AUTS2: variants seen among roughly 807,000 people sequenced by gnomAD.
AUTS2 encodes the protein autism susceptibility gene 2 protein.
A neutral mutation model predicts 112.4 loss-of-function variants in AUTS2; 17 were observed. The observed-to-expected ratio is 0.15, with a 90% confidence interval of 0.10 to 0.23. The LOEUF (loss-of-function observed/expected upper bound fraction) is 0.23, where lower values mean the gene tolerates loss of function less well. Among genes scored for constraint, AUTS2 ranks in the 10% least tolerant of loss-of-function variants. The pLI is 1.00. For synonymous variants in AUTS2, 751 were observed against 702.7 expected (o/e 1.07, Z -1.09); for missense variants, 1,510 against 1,701.6 (o/e 0.89, Z 1.98).
chr7:70,489,474 A>C (rs912187289), intron 5 of AUTS2, among the ~76,000 whole-genome samples: 10 of 151,598 alleles, frequency 6.6e-5, no homozygotes, highest in South Asian at 2.1e-4. Context: ...CCTTCAGTAA[A>C]CCCCCCCAGA....
At chr7:70,642,118 G>C (rs941770910) in intron 5 of AUTS2, among the ~76,000 whole-genome samples, 2 of 152,110 alleles carry the variant, frequency 1.3e-5, no homozygotes, top group African/African-American at 4.8e-5. Context: ...CACCTTTCTA[G>C]CTTTTGCCAT....
intron 1 of AUTS2, among the ~76,000 whole-genome samples, chr7:69,864,281 A>G (rs980999549): frequency 6.6e-6 from 1 of 152,128 alleles, no homozygotes; most frequent in African/African-American, 2.4e-5. Flanking sequence ...TTTTCCCCCT[A>G]CGGTGCAGCC....
At chr7:69,998,328 C>T (rs974462951) in intron 2 of AUTS2, among the ~76,000 whole-genome samples, 8 of 151,838 alleles carry the variant, frequency 5.3e-5, no homozygotes, top group African/African-American at 1.5e-4. Context: ...ACTACAGGCA[C>T]ATGCCACCAC....
At chr7:70,343,099 C>T (rs1585038203) in intron 4 of AUTS2, among the ~76,000 whole-genome samples, 1 of 152,260 alleles carries the variant, frequency 6.6e-6, no homozygotes, top group East Asian at 1.9e-4. Flanking sequence ...TCAACAAACT[C>T]CCTCTCTATG....
intron 14 of AUTS2, among the ~76,000 whole-genome samples, chr7:70,779,191 A>C (rs1048872410): frequency 1.3e-5 from 2 of 152,228 alleles, no homozygotes; most frequent in East Asian, 3.9e-4. Flanking sequence ...ATAGTGAATT[A>C]GAAGCTTGGT....
intron 5 of AUTS2, among the ~76,000 whole-genome samples, chr7:70,616,606 T>C (rs1804380005): frequency 6.6e-6 from 1 of 152,214 alleles, no homozygotes; most frequent in Non-Finnish European, 1.5e-5. Flanking sequence ...GACACTGTGC[T>C]CTGCACACCA....
chr7:70,323,363 A>G (rs957883162), intron 4 of AUTS2, among the ~76,000 whole-genome samples: 1 of 152,118 alleles, frequency 6.6e-6, no homozygotes, highest in African/African-American at 2.4e-5. Context: ...CAGGATCTTT[A>G]TGTTTGTGGC....
intron 5 of AUTS2, among the ~76,000 whole-genome samples, chr7:70,548,495 C>T (rs1485029769): frequency 6.6e-6 from 1 of 152,038 alleles, no homozygotes; most frequent in Non-Finnish European, 1.5e-5. Context: ...TTTGCCTAAC[C>T]TAAGGTCACA....
chr7:70,763,366 C>T (rs1408599952), intron 7 of AUTS2, 25 bp downstream of exon 7: 6 of 1,512,162 alleles, frequency 4.0e-6, no homozygotes, highest in Non-Finnish European at 5.3e-6. Flanking sequence ...CTTCTTTGGC[C>T]TGACTTTTGC....
At chr7:70,485,368 G>A (rs1321453459) in intron 5 of AUTS2, among the ~76,000 whole-genome samples, 1 of 152,118 alleles carries the variant, frequency 6.6e-6, no homozygotes. Flanking sequence ...AGTAATTCAA[G>A]AATGGAAAAC....
chr7:70,132,378 G>T (rs1032231907), intron 3 of AUTS2, among the ~76,000 whole-genome samples: 1 of 151,990 alleles, frequency 6.6e-6, no homozygotes, highest in African/African-American at 2.4e-5. Context: ...GTGCTTAAAT[G>T]CTTTGTTACA....
chr7:70,661,297 G>C (rs1220690608), intron 5 of AUTS2, among the ~76,000 whole-genome samples: 1 of 152,256 alleles, frequency 6.6e-6, no homozygotes, highest in African/African-American at 2.4e-5. Context: ...ACTTCAAAGC[G>C]TAGGGGGCTT....
intron 1 of AUTS2, among the ~76,000 whole-genome samples, chr7:69,888,540 G>GATATATATATATATATATATAT (rs60804022): frequency 2.2e-4 from 22 of 99,226 alleles, no homozygotes; most frequent in East Asian, 9.1e-4. Context: ...CAACATTGGG[G>GATATATATATATATATATATAT]ATATATATAT....
intron 2 of AUTS2, among the ~76,000 whole-genome samples, chr7:69,901,247 A>G (rs1794957257): frequency 6.6e-6 from 1 of 152,166 alleles, no homozygotes; most frequent in Non-Finnish European, 1.5e-5. Context: ...AATTAATCTC[A>G]GTGGAGAGAG....
At chr7:70,570,709 T>C (rs1334453786) in intron 5 of AUTS2, among the ~76,000 whole-genome samples, 1 of 152,192 alleles carries the variant, frequency 6.6e-6, no homozygotes, top group Non-Finnish European at 1.5e-5. Flanking sequence ...GGTTATACTC[T>C]CTATGGTCTC....
intron 1 of AUTS2, among the ~76,000 whole-genome samples, chr7:69,827,177 A>G (rs558307995): frequency 2.2e-4 from 33 of 152,212 alleles, no homozygotes; most frequent in African/African-American, 6.7e-4. Context: ...TGCTTGGACT[A>G]TGTGTTCTTT....
At chr7:70,718,421 T>C (rs1810490458) in intron 6 of AUTS2, among the ~76,000 whole-genome samples, 1 of 152,316 alleles carries the variant, frequency 6.6e-6, no homozygotes, top group South Asian at 2.1e-4. Context: ...CCCAGCACTT[T>C]GGAGCCTGGG....
intron 1 of AUTS2, 95 bp downstream of exon 1, chr7:69,600,057 T>C (rs994463151): frequency 1.0e-5 from 9 of 876,294 alleles, no homozygotes; most frequent in Non-Finnish European, 1.3e-5. Context: ...CTCCGGGCTG[T>C]CTGTCTGTCT....
At chr7:70,776,445 A>G (rs369056174) in intron 13 of AUTS2, among the ~76,000 whole-genome samples, 1 of 152,164 alleles carries the variant, frequency 6.6e-6, no homozygotes, top group Non-Finnish European at 1.5e-5. Flanking sequence ...TGGACTTGAG[A>G]TCTGCAGAGG....
Sources: allele counts gnomAD v4.1 joint callset (sites outside exome capture counted in the v4.1 genomes callset), GRCh38; gene constraint gnomAD v4.1.1; transcripts MANE v1.5; gene names NCBI Gene and HGNC (gene_info 2026-07-23, HGNC 2026-07-21).